The following CTSB variants were observed in gnomAD, a reference collection of about 807,000 sequenced individuals.
CTSB encodes APP secretase.
In CTSB, 57 loss-of-function variants were observed where a neutral mutation model predicts 44.3. That is an observed-to-expected ratio of 1.29 (90% CI 1.04 to 1.60). The LOEUF (loss-of-function observed/expected upper bound fraction) is 1.60, where lower values mean the gene tolerates loss of function less well. Among genes scored for constraint, CTSB ranks in the 40% most tolerant of loss-of-function variants. The pLI, the probability that CTSB is intolerant of heterozygous loss-of-function variation, is 0.00. For missense variants in CTSB, 768 were observed against 443.0 expected, an observed-to-expected ratio of 1.73 and a Z score of -6.59; for synonymous variants, 320 against 168.0, an observed-to-expected ratio of 1.91 and a Z score of -7.00.
chr8:11,866,753 G>C (rs534940445), intron 1 of CTSB, among the ~76,000 whole-genome samples: 4 of 152,158 alleles, frequency 2.6e-5, no homozygotes, highest in Non-Finnish European at 4.4e-5. Flanking sequence ...CCAGCTACTC[G>C]GGAGGCTGAG....
chr8:11,848,412 C>A, intron 5 of CTSB: 1 of 611,940 alleles, frequency 1.6e-6, no homozygotes, highest in Non-Finnish European at 3.1e-6. Context: ...ATGTCCATAC[C>A]AGACCAGGCT....
Position 11,847,761 on chromosome 8 carries a change from G to A in CTSB, c.594C>T (p.Cys198=), listed in dbSNP as rs1436519262. ...EHHVNGSRPP[C]TGEGDTPKCS... ...ACTTGGGGGTATCTCCCTCCCCCGTGCATGGGGGCCGGGAGCCGTTGACGT... is the reference window on the plus strand; with the variant it reads ...ACTTGGGGGTATCTCCCTCCCCCGTACATGGGGGCCGGGAGCCGTTGACGT... Residue 198 remains cysteine, a synonymous_variant, in exon 7 of 10, where the codon TGC becomes TGT. Transcript: ENST00000353047. 1.2e-6 allele frequency: 2 copies of A among 1,601,268 alleles called. No homozygotes were observed. The highest frequency in any genetic ancestry group is 8.5e-7 in the Non-Finnish European group (1 of 1,176,218).
At position 11,850,887 on chromosome 8, in the gene CTSB, C is replaced by T; in HGVS notation, c.306G>A (p.Gln102=). ...TTACCCAGCAGGAGCCACAGGAGCC[C>T]TGGTCTCTGATCTCTTTGATGGTGG... is the stretch of plus-strand genomic sequence containing the variant. The part of the protein sequence containing the change: ...QCPTIKEIRD[Q]GSCGSCWAFG... The change falls in exon 4 of 10, where the codon CAG becomes CAA. Residue 102 remains glutamine, a synonymous_variant. Coordinates refer to ENST00000353047, the MANE Select transcript of CTSB (RefSeq NM_001908.5). 6.2e-7 allele frequency: 1 copy of T among 1,613,270 alleles called. No individual in the cohort carries two copies.
chr8:11,849,650 A>T (rs1814185620), intron 4 of CTSB: 1 of 151,404 alleles, frequency 6.6e-6, no homozygotes, highest in African/African-American at 2.5e-5. Context: ...GCGCAATCTC[A>T]GCTCACTGCA....
chr8:11,853,114 TACACATGCACACAC>T (rs1282301863), intron 2 of CTSB, among the ~76,000 whole-genome samples: 2 of 152,056 alleles, frequency 1.3e-5, no homozygotes, highest in East Asian at 1.9e-4. Flanking sequence ...CATATATTCA[TACACATGCACACAC>T]ACTCATGCAC....
rs540236808 is a variant in CTSB at position 11,845,506 on chromosome 8, G to A, written c.922+155C>T. On this transcript the variant is annotated intron_variant, in intron 9 of 9. Coordinates refer to ENST00000353047, the MANE Select transcript of CTSB (RefSeq NM_001908.5). ...CAGAGTCTGCCCTCACAGCAAAAGG[G>A]AACTCCTGACTGCCTGGCACTTAGG... is the stretch of plus-strand genomic sequence containing the variant. Among the ~76,000 whole-genome samples, 3 of 152,324 alleles carry A rather than the reference G, an allele frequency of 2.0e-5. No individual in the cohort carries two copies. In the South Asian group the frequency reaches 6.2e-4, roughly 32 times the overall value.
intron 4 of CTSB, 162 bp from the exon 5 acceptor site, chr8:11,849,326 G>A (rs376855430): frequency 1.0e-4 from 54 of 515,724 alleles, no homozygotes; most frequent in East Asian, 9.7e-4. Context: ...TATTTTCTTT[G>A]GTAGAAATGG....
chr8:11,863,688 C>G (rs1816731304), intron 1 of CTSB, among the ~76,000 whole-genome samples: 1 of 152,076 alleles, frequency 6.6e-6, no homozygotes, highest in African/African-American at 2.4e-5. Context: ...TGTCCTACAG[C>G]AAAGATTAAA....
chr8:11,855,028 G>C (rs1174519883), intron 1 of CTSB: 2 of 152,350 alleles, frequency 1.3e-5, no homozygotes, highest in Admixed American at 6.5e-5. Flanking sequence ...ACACAGAATT[G>C]TTTTGTTTTT....
intron 4 of CTSB, among the ~76,000 whole-genome samples, chr8:11,849,813 T>C (rs1814218498): frequency 1.3e-5 from 2 of 152,086 alleles, no homozygotes; most frequent in Admixed American, 1.3e-4. Flanking sequence ...ACTCCTGACC[T>C]CAGGTGATCC....
intron 6 of CTSB, 103 bp from the exon 7 acceptor site, chr8:11,847,925 T>G (rs1464320147): frequency 7.0e-7 from 1 of 1,429,688 alleles, no homozygotes; most frequent in East Asian, 2.3e-5. Context: ...AGGCAGGTCC[T>G]GCCAGAGGCC....
chr8:11,852,507 G>A (rs1412220433), intron 3 of CTSB, 103 bp downstream of exon 3: 4 of 777,230 alleles, frequency 5.1e-6, no homozygotes, highest in Non-Finnish European at 6.2e-6. Flanking sequence ...TGGGCAGCAT[G>A]AGCCCTGCGG....
At chr8:11,857,093 G>C (rs1265643104) in intron 1 of CTSB, among the ~76,000 whole-genome samples, 3 of 152,138 alleles carry the variant, frequency 2.0e-5, no homozygotes, top group Non-Finnish European at 1.5e-5. Flanking sequence ...GCGCAATCTT[G>C]GCTCACTGAA....
At chr8:11,859,717 G>C (rs1444910884) in intron 1 of CTSB, among the ~76,000 whole-genome samples, 1 of 139,546 alleles carries the variant, frequency 7.2e-6, no homozygotes, top group Non-Finnish European at 1.5e-5. Flanking sequence ...GCAGTAAGCT[G>C]AGGTCACACC....
intron 1 of CTSB, chr8:11,862,321 A>G (rs1420030591): frequency 1.3e-5 from 2 of 152,082 alleles, no homozygotes; most frequent in Admixed American, 1.3e-4. Flanking sequence ...AGATACAAGG[A>G]GACACTCTTT....
chr8:11,845,555 G>T (rs1200478466), intron 9 of CTSB, 106 bp downstream of exon 9: 9 of 1,391,214 alleles, frequency 6.5e-6, no homozygotes, highest in Admixed American at 2.2e-5. Flanking sequence ...CTGGCCGTAG[G>T]TCCAGGGTTT....
intron 5 of CTSB, 99 bp downstream of exon 5, chr8:11,848,947 G>A (rs1417796194): frequency 1.4e-5 from 11 of 812,016 alleles, no homozygotes; most frequent in South Asian, 4.7e-5. Context: ...CTTCTGACTC[G>A]CAGCAGTCCC....
At position 11,843,333 on chromosome 8, in the gene CTSB, T is replaced by TG. The variant is rs2130956640; in HGVS notation, c.*1791_*1792insC. 1 of 152,332 alleles carries TG rather than the reference T, an allele frequency of 6.6e-6. No individual in the cohort carries two copies. Among genetic ancestry groups the TG allele is most frequent in the South Asian group, 2.1e-4 (1 of 4,830 alleles). The allele number at this position is 152,332 out of a possible 1,614,324, so 9.4% of individuals were successfully genotyped here. ...TTTTCAGAGCTTATTTGATCTAGCA[T>TG]CTGGTTCCTAAATTCTGAGTCACAT... On this transcript the variant is annotated 3_prime_UTR_variant, in exon 10 of 10. Coordinates refer to ENST00000353047, the MANE Select transcript of CTSB (RefSeq NM_001908.5).
Position 11,849,158 on chromosome 8 carries a change from C to T in CTSB, c.334G>A (p.Gly112Arg), listed in dbSNP as rs1362775589. ...QGSCGSCWAF[G>R]AVEAISDRIC... The stretch of plus-strand genomic sequence containing the variant: ...CGGTCAGAGATGGCTTCCACAGCCC[C>T]GAAGGCCTGCAGGAACGAGCCCCAC... Residue 112 changes from glycine (G) to arginine (R), a missense_variant, in exon 5 of 10, where the codon GGG becomes AGG. Coordinates refer to ENST00000353047, the MANE Select transcript of CTSB (RefSeq NM_001908.5). 7 of 1,611,862 alleles carry T rather than the reference C, an allele frequency of 4.3e-6. No individual in the cohort carries two copies. Among genetic ancestry groups the T allele is most frequent in the Non-Finnish European group, 4.2e-6 (5 of 1,179,510 alleles).
Sources: gnomAD v4.1 joint callset for allele counts (sites outside exome capture counted in the v4.1 genomes callset) on GRCh38, gnomAD v4.1.1 for gene constraint, MANE v1.5 for transcripts, NCBI Gene and HGNC (gene_info 2026-07-23, HGNC 2026-07-21) for gene names.